RGS12: variants seen among roughly 807,000 people sequenced by gnomAD.
RGS12 encodes regulator of G protein signaling 12.
A neutral mutation model predicts 120.1 loss-of-function variants in RGS12; 66 were observed. That is an observed-to-expected ratio of 0.55 (90% CI 0.45 to 0.67). The LOEUF (loss-of-function observed/expected upper bound fraction) is 0.67, where lower values mean the gene tolerates loss of function less well. RGS12 is among the 30% of genes least tolerant of loss of function. The pLI is 0.00. For synonymous variants in RGS12, 827 were observed against 804.7 expected (o/e 1.03, Z -0.47); for missense variants, 1,859 against 1,957.7 (o/e 0.95, Z 0.95).
intron 1 of RGS12, among the ~76,000 whole-genome samples, chr4:3,313,424 C>T (rs138807094): frequency 1.3e-5 from 2 of 152,340 alleles, no homozygotes; most frequent in African/African-American, 2.4e-5. Flanking sequence ...CTTTTCTGAG[C>T]GTGCTTTAGT....
chr4:3,332,640 C>T (rs1379720713), intron 2 of RGS12, among the ~76,000 whole-genome samples: 1 of 152,194 alleles, frequency 6.6e-6, no homozygotes, highest in Non-Finnish European at 1.5e-5. Flanking sequence ...CCTACTCAAA[C>T]CTTTTGGTCC....
In RGS12 at chr4:3,425,506, A is replaced by G. The variant is rs1723515295; in HGVS notation, c.3277A>G (p.Ser1093Gly). The stretch of plus-strand genomic sequence containing the variant: ...CCTGGACCTTGGCGCCCCTATATCG[A>G]GTCTGGACGGACAGCGGGTTGTCTT... Reference protein sequence around the residue: ...EPLDLGAPISSLDGQRVVLEE... With the variant: ...EPLDLGAPISGLDGQRVVLEE... The change falls in exon 14 of 18, where the codon AGT becomes GGT. Residue 1093 changes from serine to glycine, a missense_variant. Physicochemically the swap from Ser to Gly is moderately conservative, Grantham distance 56 (BLOSUM62 0). Coordinates refer to ENST00000336727, the MANE Select transcript of RGS12 (RefSeq NM_001394154.1). The G allele has an allele frequency of 1.2e-6, 2 of 1,611,754 alleles. No individual in the cohort carries two copies. The highest frequency in any genetic ancestry group is 1.7e-6 in the Non-Finnish European group (2 of 1,179,696).
chr4:3,435,958 TCCCCTATTCCC>T (rs1293220539), intron 17 of RGS12, among the ~76,000 whole-genome samples: 61 of 103,224 alleles, frequency 5.9e-4, no homozygotes, highest in Non-Finnish European at 1.1e-3. Flanking sequence ...TCACCCCCAC[TCCCCTATTCCC>T]CACTCCCCTA....
intron 1 of RGS12, chr4:3,312,585 C>G (rs1724475467): frequency 4.3e-6 from 1 of 230,382 alleles, no homozygotes; most frequent in Non-Finnish European, 9.8e-6. Flanking sequence ...CTAACTGGGC[C>G]TGTGCTTGAG....
chr4:3,297,958 T>C (rs1280879795), intron 1 of RGS12, among the ~76,000 whole-genome samples: 1 of 152,258 alleles, frequency 6.6e-6, no homozygotes, highest in East Asian at 1.9e-4. Flanking sequence ...ACTCTCCAAT[T>C]ACCTTTTAAC....
In RGS12 at chr4:3,433,522, T is replaced by C. The variant is rs1178981335; in HGVS notation, c.4114+2567T>C. 6.8e-6 allele frequency among the ~76,000 whole-genome samples: 1 copy of C among 148,008 alleles called. No homozygotes were observed. Among genetic ancestry groups the C allele is most frequent in the Non-Finnish European group, 1.5e-5 (1 of 67,154 alleles). On this transcript the variant is annotated intron_variant, in intron 17 of 17. Coordinates refer to ENST00000336727, the MANE Select transcript of RGS12 (RefSeq NM_001394154.1). This position sits in a 1 kb window ranked among gnomAD's most constrained non-coding sequence, Gnocchi z 4.4. ...CAGCACCACGTGCCATGCCACCCTG[T>C]CCTAGCCCCAATGCCACATGCCACA...
At chr4:3,432,244 T>C (rs1724377870) in intron 17 of RGS12, 1 of 860,254 alleles carries the variant, frequency 1.2e-6, no homozygotes. Context: ...AAAAGTATTT[T>C]AATCTAGGGG....
At position 3,439,836 on chromosome 4, in the gene RGS12, C is replaced by T. The variant is rs539246770; in HGVS notation, c.*152C>T. 18 of 679,280 alleles carry T rather than the reference C, an allele frequency of 2.6e-5. No individual in the cohort carries two copies. The highest frequency in any genetic ancestry group is 1.2e-4 in the East Asian group (4 of 32,310). 42.1% of individuals were successfully genotyped at this position (679,280 alleles called of 1,614,324 possible). ...GTGACCTCGCTGGAGGCACTGGCCC[C>T]GGACATTCGCCATGCTGGCCATGGG... On this transcript the variant is annotated 3_prime_UTR_variant, in exon 18 of 18. Coordinates refer to ENST00000336727, the MANE Select transcript of RGS12 (RefSeq NM_001394154.1).
intron 3 of RGS12, among the ~76,000 whole-genome samples, chr4:3,376,810 C>T (rs1056453997): frequency 7.9e-5 from 12 of 152,136 alleles, no homozygotes; most frequent in Admixed American, 2.6e-4. Context: ...GGCATCTTCT[C>T]CTGAACACTC....
chr4:3,290,779 C>T (rs1413686565), upstream of RGS12, among the ~76,000 whole-genome samples: 3 of 152,266 alleles, frequency 2.0e-5, no homozygotes, highest in Non-Finnish European at 4.4e-5. Context: ...AGGAGGAGAA[C>T]CACAGGGGCC....
chr4:3,416,120 A>C lies in RGS12; in HGVS notation c.2426A>C (p.Gln809Pro). 1 of 1,613,958 alleles carries C rather than the reference A, an allele frequency of 6.2e-7. No individual in the cohort carries two copies. The highest frequency in any genetic ancestry group is 8.5e-7 in the Non-Finnish European group (1 of 1,179,954). ...GACATGTTCAAGGAGCAGCAGCTGC[A>C]GGTAACCGCAGGCTGTGGGAGCTTG... ...HPDMFKEQQL[Q>P]IFNLMKFDSY... is the part of the protein sequence containing the mutation. Residue 809 changes from glutamine to proline, a missense_variant and splice_region_variant, in exon 7 of 18, where the codon CAG becomes CCG. Gln to Pro is a moderately conservative substitution (Grantham distance 76, BLOSUM62 -1). Transcript: ENST00000336727.
chr4:3,439,836 C>G lies in RGS12; in HGVS notation c.*152C>G. ...GTGACCTCGCTGGAGGCACTGGCCC[C>G]GGACATTCGCCATGCTGGCCATGGG... is the stretch of plus-strand genomic sequence containing the variant. On this transcript the variant is annotated 3_prime_UTR_variant, in exon 18 of 18. Coordinates refer to ENST00000336727, the MANE Select transcript of RGS12 (RefSeq NM_001394154.1). 1.5e-6 allele frequency: 1 copy of G among 679,280 alleles called. No homozygotes were observed. The highest frequency in any genetic ancestry group is 2.3e-6 in the Non-Finnish European group (1 of 426,298). 42.1% of individuals were successfully genotyped at this position (679,280 alleles called of 1,614,324 possible). A position where few individuals can be genotyped will look rare whatever the true frequency, so the allele number is the denominator to read the frequency against.
chr4:3,363,709 G>A (rs1715978277), intron 3 of RGS12, among the ~76,000 whole-genome samples: 2 of 151,820 alleles, frequency 1.3e-5, no homozygotes, highest in African/African-American at 2.4e-5. Flanking sequence ...GTTGGGGCAG[G>A]CTTGGCGGGA....
chr4:3,322,486 A>G (rs1725267083), intron 2 of RGS12, among the ~76,000 whole-genome samples: 1 of 152,170 alleles, frequency 6.6e-6, no homozygotes. Flanking sequence ...AGAACCCAGG[A>G]TCTCGAAATG....
At chr4:3,438,559 TTTCCTTGGCCCCAGCC>T (rs1725035490) in intron 17 of RGS12, among the ~76,000 whole-genome samples, 1 of 151,846 alleles carries the variant, frequency 6.6e-6, no homozygotes, top group Non-Finnish European at 1.5e-5. Flanking sequence ...CACCGTTCAC[TTTCCTTGGCCCCAGCC>T]TTCGTTGGCC....
chr4:3,379,387 CAAAA>C lies in RGS12; in HGVS notation c.1999-7026_1999-7023del, dbSNP rs560054807. Among the ~76,000 whole-genome samples the C allele has an allele frequency of 1.0e-3, 156 of 152,112 alleles. 1 individual carries two copies. The highest frequency in any genetic ancestry group is 3.6e-3 in the African/African-American group (150 of 41,470). On this transcript the variant is annotated intron_variant, in intron 3 of 17. Coordinates refer to ENST00000336727, the MANE Select transcript of RGS12 (RefSeq NM_001394154.1). The stretch of plus-strand genomic sequence containing the variant: ...TAAGAGAATAGATTCTCACCACACA[CAAAA>C]AAGGCAACTAAGTGAGGTGGTGGAG...
chr4:3,401,345 T>C (rs1280234622), intron 4 of RGS12, among the ~76,000 whole-genome samples: 2 of 152,254 alleles, frequency 1.3e-5, no homozygotes, highest in Non-Finnish European at 2.9e-5. Context: ...TGTCAGTTTA[T>C]ATCCCTTTCA....
intron 1 of RGS12, among the ~76,000 whole-genome samples, chr4:3,308,918 T>C (rs1053399953): frequency 2.6e-5 from 4 of 152,254 alleles, no homozygotes; most frequent in African/African-American, 7.2e-5. Flanking sequence ...GTTTTCCTTA[T>C]GTTGCAGCCT....
intron 4 of RGS12, chr4:3,413,674 G>T: frequency 5.7e-6 from 1 of 175,272 alleles, no homozygotes; most frequent in Non-Finnish European, 1.2e-5. Flanking sequence ...GATGGTCTTA[G>T]TGCTCTGTGT....
Sources: allele counts gnomAD v4.1 joint callset (sites outside exome capture counted in the v4.1 genomes callset), GRCh38; gene constraint gnomAD v4.1.1; non-coding constraint Gnocchi (gnomAD v3.1); transcripts MANE v1.5; gene names NCBI Gene and HGNC (gene_info 2026-07-23, HGNC 2026-07-21).